SLC2A9: variants seen among roughly 807,000 people sequenced by gnomAD.
SLC2A9 encodes solute carrier family 2, facilitated glucose transporter member 9.
In SLC2A9, 39 loss-of-function variants were observed where a neutral mutation model predicts 50.6. That is an observed-to-expected ratio of 0.77 (90% confidence interval 0.60 to 1.01). The LOEUF (loss-of-function observed/expected upper bound fraction) is 1.01, where lower values mean the gene tolerates loss of function less well. Ranked by LOEUF, SLC2A9 falls within the 50% of genes least tolerant of loss-of-function variation. The probability of loss-of-function intolerance (pLI) is 0.00; values close to 1 mark genes in which losing one functional copy is unlikely to be tolerated. For synonymous variants in SLC2A9, 324 were observed against 276.9 expected, an observed-to-expected ratio of 1.17 and a Z score of -1.69; for missense variants, 686 against 677.6, an observed-to-expected ratio of 1.01 and a Z score of -0.14.
chr4:9,874,375 T>C (rs1733941442), intron 10 of SLC2A9, among the ~76,000 whole-genome samples: 1 of 152,242 alleles, frequency 6.6e-6, no homozygotes, highest in African/African-American at 2.4e-5. Context: ...CCCTCTCTGA[T>C]GGCAGCAGCC....
In SLC2A9 at chr4:9,808,128, G is replaced by A. The variant is rs796485985; in HGVS notation, n.421-8887C>T. On this transcript the variant is annotated intron_variant and non_coding_transcript_variant, in intron 3 of 3. Transcript: ENST00000503280. The stretch of plus-strand genomic sequence containing the variant: ...GGCCAGGAGCAGGCAGGGCTGTCAC[G>A]GTGTCTTGGCTGGAGCAGGGACCTG... Among the ~76,000 whole-genome samples the A allele has an allele frequency of 4.4e-4, 67 of 152,294 alleles. 2 individuals are homozygous for A. Among genetic ancestry groups the A allele is most frequent in the African/African-American group, 1.6e-3 (65 of 41,580 alleles).
intron 5 of SLC2A9, among the ~76,000 whole-genome samples, chr4:9,969,807 C>A (rs1753603275): frequency 6.6e-6 from 1 of 152,134 alleles, no homozygotes; most frequent in Non-Finnish European, 1.5e-5. Flanking sequence ...GGGAAAAATC[C>A]ACCCCCATGA....
At chr4:9,841,420 CTCTT>C (rs1728068296) in intron 10 of SLC2A9, among the ~76,000 whole-genome samples, 1 of 152,124 alleles carries the variant, frequency 6.6e-6, no homozygotes, top group Admixed American at 6.5e-5. Context: ...CCCAGGTTGG[CTCTT>C]TCCCTGTGCA....
intron 2 of SLC2A9, among the ~76,000 whole-genome samples, 162 bp from the exon 3 acceptor site, chr4:9,997,103 G>A (rs933872720): frequency 3.9e-5 from 6 of 152,112 alleles, no homozygotes; most frequent in African/African-American, 1.4e-4. Context: ...ACAAATTTTG[G>A]GAAGAGCAGA....
chr4:10,018,956 G>T lies in SLC2A9; in HGVS notation c.249+19C>A. ...CGCAGGGCCGCAGCGCCCTCTGCCGGGCCTTGGCGCGCACTCACCGGGGTG... is the reference window on the plus strand; with the variant it reads ...CGCAGGGCCGCAGCGCCCTCTGCCGTGCCTTGGCGCGCACTCACCGGGGTG... On this transcript the variant is annotated intron_variant, in intron 2 of 11. Transcript: ENST00000264784. 2.6e-6 allele frequency: 4 copies of T among 1,548,382 alleles called. No individual in the cohort carries two copies. The South Asian group carries it at 3.6e-5, about 14-fold the overall frequency.
intron 5 of SLC2A9, among the ~76,000 whole-genome samples, chr4:9,965,332 G>A (rs7676733): frequency 0.48 from 73,491 of 152,024 alleles, 19,121 homozygotes; most frequent in African/African-American, 0.67. Flanking sequence ...ATTTCTCTCT[G>A]ATAGAATCAC....
chr4:9,955,895 G>A (rs867604399), intron 5 of SLC2A9, among the ~76,000 whole-genome samples: 3 of 4,576 alleles, frequency 6.6e-4, no homozygotes, highest in Non-Finnish European at 1.4e-3. Flanking sequence ...TTTTTTTTTT[G>A]AGATGGAGTT....
intron 3 of SLC2A9, among the ~76,000 whole-genome samples, chr4:9,807,485 C>A (rs1029123505): frequency 3.3e-5 from 5 of 152,342 alleles, no homozygotes; most frequent in African/African-American, 1.2e-4. Flanking sequence ...GCCACAGACT[C>A]TTCCTGTCTG....
intron 11 of SLC2A9, among the ~76,000 whole-genome samples, chr4:9,830,951 G>A (rs1391511550): frequency 1.3e-5 from 2 of 152,174 alleles, no homozygotes; most frequent in African/African-American, 4.8e-5. Context: ...TACAGGTGAG[G>A]AAACCCAGGC....
At chr4:9,835,146 G>A (rs1435895382) in intron 10 of SLC2A9, 138 bp from the exon 11 acceptor site, 3 of 1,207,044 alleles carry the variant, frequency 2.5e-6, no homozygotes, top group African/African-American at 1.5e-5. Context: ...CAGTTCCTGA[G>A]TCGCCCTGGT....
At chr4:9,935,116 A>G (rs1217176971) in intron 6 of SLC2A9, among the ~76,000 whole-genome samples, 4 of 152,232 alleles carry the variant, frequency 2.6e-5, no homozygotes, top group Admixed American at 6.5e-5. Context: ...TGCAATAAAC[A>G]TATATATGCA....
chr4:10,024,023 C>T (rs1189318868), upstream of SLC2A9, among the ~76,000 whole-genome samples: 2 of 152,220 alleles, frequency 1.3e-5, no homozygotes, highest in Non-Finnish European at 1.5e-5. Flanking sequence ...CATTACTTGC[C>T]TGTCTTTATG....
At chr4:9,855,222 G>T (rs1730547409) in intron 10 of SLC2A9, among the ~76,000 whole-genome samples, 1 of 152,112 alleles carries the variant, frequency 6.6e-6, no homozygotes. Context: ...CATAGTCTCT[G>T]CCAAAAAGCT....
At chr4:9,956,116 T>C (rs2108885586) in intron 5 of SLC2A9, among the ~76,000 whole-genome samples, 1 of 151,544 alleles carries the variant, frequency 6.6e-6, no homozygotes, top group South Asian at 2.1e-4. Flanking sequence ...TGACCTCAGG[T>C]GATCGACCTG....
chr4:9,900,302 G>T (rs988902808), intron 8 of SLC2A9, among the ~76,000 whole-genome samples: 1 of 152,162 alleles, frequency 6.6e-6, no homozygotes, highest in Non-Finnish European at 1.5e-5. Flanking sequence ...GGGAGCCAAA[G>T]GATGTTATCA....
intron 10 of SLC2A9, among the ~76,000 whole-genome samples, chr4:9,848,742 C>T (rs1403864636): frequency 6.6e-6 from 1 of 151,196 alleles, no homozygotes; most frequent in African/African-American, 2.4e-5. Context: ...CTCTGTCACC[C>T]AGGCTGGAGT....
chr4:10,031,768 C>G (rs1763947655), intron 1 of SLC2A9, among the ~76,000 whole-genome samples: 1 of 152,194 alleles, frequency 6.6e-6, no homozygotes, highest in Non-Finnish European at 1.5e-5. Flanking sequence ...GTTAGCGGAG[C>G]TGGAGAAGGA....
chr4:9,845,590 C>T (rs1207895973), intron 10 of SLC2A9, among the ~76,000 whole-genome samples: 4 of 150,708 alleles, frequency 2.7e-5, no homozygotes, highest in African/African-American at 9.8e-5. Context: ...CTACCACGAC[C>T]GGCTAATTTT....
At chr4:9,964,925 A>T (rs1752830170) in intron 5 of SLC2A9, among the ~76,000 whole-genome samples, 1 of 152,184 alleles carries the variant, frequency 6.6e-6, no homozygotes, top group Admixed American at 6.5e-5. Context: ...CCTGCTGCAG[A>T]CATTCGGAGT....
Sources: gnomAD v4.1 joint callset for allele counts (sites outside exome capture counted in the v4.1 genomes callset) on GRCh38, gnomAD v4.1.1 for gene constraint, MANE v1.5 for transcripts, NCBI Gene and HGNC (gene_info 2026-07-23, HGNC 2026-07-21) for gene names.